Variants in PTPRD observed in about 807,000 individuals in gnomAD.
PTPRD encodes receptor-type tyrosine-protein phosphatase delta.
Under a neutral mutation model 214.5 loss-of-function variants are expected in PTPRD, and 34 were observed. The ratio of observed to expected loss-of-function variants is 0.16; its 90% CI spans 0.12 to 0.21. The LOEUF is 0.21. Ranked by LOEUF, PTPRD falls within the 10% of genes least tolerant of loss-of-function variation. The probability of loss-of-function intolerance (pLI) is 1.00; values close to 1 mark genes in which losing one functional copy is unlikely to be tolerated. For missense variants in PTPRD, 2,545 were observed against 2,398.7 expected (o/e 1.06, Z -1.27); for synonymous variants, 1,128 against 845.7 (o/e 1.33, Z -5.79).
intron 37 of PTPRD, among the ~76,000 whole-genome samples, chr9:8,381,202 A>C (rs2084970431): frequency 6.6e-6 from 1 of 152,310 alleles, no homozygotes; most frequent in East Asian, 1.9e-4. Context: ...CTAACATTAG[A>C]TAACACAAGT....
At chr9:9,850,264 T>C (rs941532841) in intron 5 of PTPRD, among the ~76,000 whole-genome samples, 4 of 152,186 alleles carry the variant, frequency 2.6e-5, no homozygotes, top group African/African-American at 9.6e-5. Flanking sequence ...CATTCTAAAC[T>C]TGAGGCTTGG....
At chr9:9,700,476 A>G (rs2097475985) in intron 7 of PTPRD, among the ~76,000 whole-genome samples, 2 of 152,078 alleles carry the variant, frequency 1.3e-5, no homozygotes, top group South Asian at 4.1e-4. Context: ...TGGTTTTGGA[A>G]CCATACTATT....
chr9:10,000,885 C>T (rs1198593629), intron 4 of PTPRD, among the ~76,000 whole-genome samples: 1 of 152,114 alleles, frequency 6.6e-6, no homozygotes, highest in African/African-American at 2.4e-5. Context: ...ATATTAAGAG[C>T]CTGGGGTGGG....
At chr9:8,682,503 T>A (rs1230763488) in intron 12 of PTPRD, among the ~76,000 whole-genome samples, 1 of 151,842 alleles carries the variant, frequency 6.6e-6, no homozygotes, top group Non-Finnish European at 1.5e-5. Context: ...GTACACAACA[T>A]ATACATTTTT....
chr9:9,640,927 G>A (rs1165953247), intron 7 of PTPRD, among the ~76,000 whole-genome samples: 1 of 152,220 alleles, frequency 6.6e-6, no homozygotes, highest in Non-Finnish European at 1.5e-5. Context: ...TGAATGATCT[G>A]GTCAGAGTCA....
intron 3 of PTPRD, among the ~76,000 whole-genome samples, chr9:10,068,360 T>C (rs187269651): frequency 8.6e-4 from 130 of 152,034 alleles, no homozygotes; most frequent in Admixed American, 8.4e-3. Flanking sequence ...GTGAGTATCA[T>C]ATAAGATAAT....
At chr9:9,015,572 C>T (rs1159359915) in intron 11 of PTPRD, among the ~76,000 whole-genome samples, 1 of 152,138 alleles carries the variant, frequency 6.6e-6, no homozygotes, top group African/African-American at 2.4e-5. Flanking sequence ...ATGGAGTAGC[C>T]ATTCTTTTAT....
intron 2 of PTPRD, among the ~76,000 whole-genome samples, chr9:10,486,757 A>T (rs1409558031): frequency 6.6e-6 from 1 of 152,144 alleles, no homozygotes. Context: ...TCATGTGCTG[A>T]GGGGAGGAAT....
chr9:8,396,543 G>A (rs1500334), intron 36 of PTPRD, among the ~76,000 whole-genome samples: 40,013 of 151,700 alleles, frequency 0.26, 5,542 homozygotes, highest in African/African-American at 0.33. Context: ...CCAATGAACT[G>A]AAGACAATAG....
intron 8 of PTPRD, among the ~76,000 whole-genome samples, chr9:9,453,142 C>T (rs10977764): frequency 0.52 from 78,924 of 150,650 alleles, 20,839 homozygotes; most frequent in East Asian, 0.67. Context: ...AGACTTTCAA[C>T]GCCCCCCCAC....
At chr9:9,524,831 TAGG>T (rs1439932736) in intron 8 of PTPRD, among the ~76,000 whole-genome samples, 2 of 152,038 alleles carry the variant, frequency 1.3e-5, no homozygotes, top group East Asian at 1.9e-4. Flanking sequence ...TTTTGGGTGA[TAGG>T]AGTTTTGTTT....
At chr9:8,606,329 A>G (rs527409659) in intron 14 of PTPRD, among the ~76,000 whole-genome samples, 2 of 152,326 alleles carry the variant, frequency 1.3e-5, no homozygotes, top group East Asian at 3.9e-4. Flanking sequence ...CTTGAGGAAG[A>G]TCACAGTCTA....
At chr9:8,332,492 A>C (rs1342852349) in intron 43 of PTPRD, among the ~76,000 whole-genome samples, 3 of 152,304 alleles carry the variant, frequency 2.0e-5, no homozygotes, top group Non-Finnish European at 4.4e-5. Context: ...CTGGCTGACC[A>C]CAGGAATTAA....
At position 8,913,414 on chromosome 9, in the gene PTPRD, AAAAT is replaced by A. The variant is rs1489051711; in HGVS notation, c.-104+105279_-104+105282del. 2.6e-5 allele frequency among the ~76,000 whole-genome samples: 4 copies of A among 152,262 alleles called. No homozygotes were observed. The East Asian group carries it at 7.7e-4, about 29-fold the overall frequency. Reference sequence around the variant, plus strand: ...ATATCAAAGGTAAAAACCTACATAAAAAATAAATAAAGCATTTTGCAACATCCAT... The same window carrying A: ...ATATCAAAGGTAAAAACCTACATAAAAAATAAAGCATTTTGCAACATCCAT... On this transcript the variant is annotated intron_variant, in intron 11 of 45. Transcript: ENST00000381196.
chr9:8,466,022 G>T (rs2096537862), intron 31 of PTPRD, among the ~76,000 whole-genome samples: 1 of 151,780 alleles, frequency 6.6e-6, no homozygotes, highest in Admixed American at 6.6e-5. Context: ...ATTCATAAAA[G>T]CCTTGCCCTG....
At chr9:9,896,721 A>G (rs1363868310) in intron 5 of PTPRD, among the ~76,000 whole-genome samples, 2 of 152,106 alleles carry the variant, frequency 1.3e-5, no homozygotes, top group African/African-American at 4.8e-5. Context: ...ATCAGAAAAT[A>G]CAGTTGCTTT....
At chr9:10,547,194 T>C (rs1020258687) in intron 2 of PTPRD, among the ~76,000 whole-genome samples, 3 of 152,156 alleles carry the variant, frequency 2.0e-5, no homozygotes, top group Non-Finnish European at 4.4e-5. Context: ...TTTCTGCTAG[T>C]AGAAAAAGTT....
At chr9:8,324,713 A>C (rs958466115) in intron 44 of PTPRD, among the ~76,000 whole-genome samples, 20 of 152,146 alleles carry the variant, frequency 1.3e-4, no homozygotes, top group African/African-American at 4.8e-4. Context: ...TTACACACCC[A>C]CCAACAGTGT....
chr9:9,327,046 G>A (rs1450810899), intron 9 of PTPRD, among the ~76,000 whole-genome samples: 2 of 152,166 alleles, frequency 1.3e-5, no homozygotes, highest in Non-Finnish European at 2.9e-5. Context: ...GTTTACTAAA[G>A]AGGTCAATTG....
Sources: allele counts gnomAD v4.1 joint callset (sites outside exome capture counted in the v4.1 genomes callset), GRCh38; gene constraint gnomAD v4.1.1; transcripts MANE v1.5; gene names NCBI Gene and HGNC (gene_info 2026-07-23, HGNC 2026-07-21).